The following NFAM1 variants were observed in gnomAD, a reference collection of about 807,000 sequenced individuals.
NFAM1 encodes the protein NFAT activation molecule 1.
A neutral mutation model predicts 29.0 loss-of-function variants in NFAM1; 17 were observed. The observed-to-expected ratio is 0.59, with a 90% CI of 0.40 to 0.88. NFAM1 has a LOEUF of 0.88. Ranked by LOEUF, NFAM1 falls within the 40% of genes least tolerant of loss-of-function variation. The pLI is 0.00. For synonymous variants in NFAM1, 175 were observed against 147.2 expected, an observed-to-expected ratio of 1.19 and a Z score of -1.36; for missense variants, 324 against 344.6, an observed-to-expected ratio of 0.94 and a Z score of 0.47.
rs949472299 is a variant in NFAM1, at chr22:42,431,831, G to C, written c.121+406C>G. On this transcript the variant is annotated intron_variant, in intron 1 of 5. Coordinates refer to ENST00000329021, the MANE Select transcript of NFAM1 (RefSeq NM_145912.8). ...GGCCAATGCCAGCAACAACCCAGAG[G>C]GTAGCCCCACCACTTGCCAGGTTCA... 2.0e-5 allele frequency among the ~76,000 whole-genome samples: 3 copies of C among 149,300 alleles called. No individual in the cohort carries two copies. In the East Asian group the frequency reaches 5.9e-4, roughly 29 times the overall value.
intron 3 of NFAM1, among the ~76,000 whole-genome samples, chr22:42,407,435 C>T (rs2147105194): frequency 6.6e-6 from 1 of 152,260 alleles, no homozygotes; most frequent in East Asian, 1.9e-4. Flanking sequence ...CTGGTGTGAT[C>T]TCAGCTCACT....
chr22:42,415,566 T>C (rs564269984), intron 1 of NFAM1, among the ~76,000 whole-genome samples: 192 of 152,266 alleles, frequency 1.3e-3, no homozygotes, highest in African/African-American at 4.5e-3. Context: ...CCCAAAGTGC[T>C]GGGATTACAG....
At chr22:42,407,408 G>T (rs1446393501) in intron 3 of NFAM1, among the ~76,000 whole-genome samples, 5 of 151,530 alleles carry the variant, frequency 3.3e-5, no homozygotes, top group South Asian at 2.1e-4. Context: ...TGAGACTGTC[G>T]CCCAGGCTGG....
intron 1 of NFAM1, among the ~76,000 whole-genome samples, chr22:42,430,402 A>C (rs578220031): frequency 6.6e-6 from 1 of 152,168 alleles, no homozygotes; most frequent in East Asian, 1.9e-4. Flanking sequence ...TCTACTAAAA[A>C]TACAAAAATT....
At chr22:42,391,466 C>T (rs1283778521) in intron 4 of NFAM1, among the ~76,000 whole-genome samples, 3 of 152,112 alleles carry the variant, frequency 2.0e-5, no homozygotes, top group Non-Finnish European at 4.4e-5. Flanking sequence ...CCAGTGTTAG[C>T]GCTGGGGCAG....
intron 1 of NFAM1, among the ~76,000 whole-genome samples, chr22:42,412,608 AAAG>A (rs1442655591): frequency 2.6e-5 from 4 of 152,202 alleles, no homozygotes; most frequent in Non-Finnish European, 5.9e-5. Context: ...GATGAGAAAT[AAAG>A]AAGGAGGCAG....
In NFAM1 at chr22:42,424,181, C is replaced by T. The variant is rs572960370; in HGVS notation, c.121+8056G>A. On this transcript the variant is annotated intron_variant, in intron 1 of 5. Coordinates refer to ENST00000329021, the MANE Select transcript of NFAM1 (RefSeq NM_145912.8). ...CTGTAATCCCAGCACTTTGGGAGGC[C>T]AAGGCGGGCGGATCACAACGTCAGG... Among the ~76,000 whole-genome samples, 48 of 152,114 alleles carry T rather than the reference C, an allele frequency of 3.2e-4. 1 individual carries two copies. Among genetic ancestry groups the T allele is most frequent in the African/African-American group, 1.1e-3 (45 of 41,506 alleles).
At position 42,399,168 on chromosome 22, in the gene NFAM1, C is replaced by T. The variant is rs898004755; in HGVS notation, c.565-1212G>A. On this transcript the variant is annotated intron_variant, in intron 3 of 5. Coordinates refer to ENST00000329021, the MANE Select transcript of NFAM1 (RefSeq NM_145912.8). ...GGAGAAGGTCAGCATAGGCCAGGCA[C>T]GGTGGCTCATGCCTGTAATCCCAGC... 3.9e-5 allele frequency among the ~76,000 whole-genome samples: 6 copies of T among 152,046 alleles called. No individual in the cohort carries two copies. In the South Asian group the frequency reaches 1.2e-3, roughly 32 times the overall value.
chr22:42,415,939 C>A (rs531540371), intron 1 of NFAM1, among the ~76,000 whole-genome samples: 1 of 152,288 alleles, frequency 6.6e-6, no homozygotes, highest in Non-Finnish European at 1.5e-5. Context: ...AGGGAAGGAG[C>A]AGAAAGAGCC....
In NFAM1 at chr22:42,409,543, T is replaced by C. The variant is rs764455568; in HGVS notation, c.456A>G (p.Ala152=). 3 of 1,508,044 alleles carry C rather than the reference T, an allele frequency of 2.0e-6. No individual in the cohort carries two copies. The highest frequency in any genetic ancestry group is 2.5e-5 in the East Asian group (1 of 39,998). 93.4% of individuals were successfully genotyped at this position (1,508,044 alleles called of 1,614,324 possible). A position where few individuals can be genotyped will look rare whatever the true frequency, so the allele number is the denominator to read the frequency against. Residue 152 remains alanine, a synonymous_variant, in exon 3 of 6, where the codon GCA becomes GCG. Coordinates refer to ENST00000329021, the MANE Select transcript of NFAM1 (RefSeq NM_145912.8). This position sits in a 1 kb window ranked among gnomAD's most constrained non-coding sequence, Gnocchi z 4.9. ...GSGTFILVRD[A]GYREPPQSPQ... The stretch of plus-strand genomic sequence containing the variant: ...GACTCTGCGGGGGCTCTCGGTACCC[T>C]GCGTCTAGGAGGAAGCGCAGGGGAG...
At chr22:42,424,417 AAAAGAAAC>A (rs1226129914) in intron 1 of NFAM1, among the ~76,000 whole-genome samples, 1 of 151,220 alleles carries the variant, frequency 6.6e-6, no homozygotes, top group African/African-American at 2.5e-5. Flanking sequence ...TCCGTCTCAA[AAAAGAAAC>A]AAAAAAAGAA....
At position 42,401,535 on chromosome 22, in the gene NFAM1, C is replaced by T. The variant is rs117987718; in HGVS notation, c.565-3579G>A. Among the ~76,000 whole-genome samples the T allele has an allele frequency of 2.6e-3, 398 of 151,808 alleles. 17 individuals are homozygous for T. The East Asian group carries it at 0.071, about 27-fold the overall frequency. ...CCTGGGGGTGCTGGGGAGGCTGGGC[C>T]GGGGCAAGGGGTCCCGTGGAGGAGG... is the stretch of plus-strand genomic sequence containing the variant. On this transcript the variant is annotated intron_variant, in intron 3 of 5. Coordinates refer to ENST00000329021, the MANE Select transcript of NFAM1 (RefSeq NM_145912.8).
chr22:42,417,491 A>C (rs1042179211), intron 1 of NFAM1, among the ~76,000 whole-genome samples: 1 of 150,156 alleles, frequency 6.7e-6, no homozygotes, highest in African/African-American at 2.5e-5. Flanking sequence ...TTTTCTGTGC[A>C]GGGAACGGAT....
intron 1 of NFAM1, among the ~76,000 whole-genome samples, chr22:42,430,967 G>A (rs1192956513): frequency 6.6e-6 from 1 of 152,234 alleles, no homozygotes; most frequent in East Asian, 1.9e-4. Context: ...GGCGAGGCGT[G>A]CACAGGATTA....
rs1286017338 is a variant in NFAM1 at position 42,412,547 on chromosome 22, A to G, written c.122-811T>C. Among the ~76,000 whole-genome samples, 3 of 152,224 alleles carry G rather than the reference A, an allele frequency of 2.0e-5. No homozygotes were observed. The East Asian group carries it at 5.8e-4, about 29-fold the overall frequency. ...ACCCCTCTTCTTCCCAAAGGCCAAG[A>G]GGCCACCTGGGATCAAAGCACAGGC... is the stretch of plus-strand genomic sequence containing the variant. On this transcript the variant is annotated intron_variant, in intron 1 of 5. Coordinates refer to ENST00000329021, the MANE Select transcript of NFAM1 (RefSeq NM_145912.8).
chr22:42,392,509 G>T (rs1601736098), intron 4 of NFAM1, among the ~76,000 whole-genome samples: 1 of 152,172 alleles, frequency 6.6e-6, no homozygotes, highest in Non-Finnish European at 1.5e-5. Flanking sequence ...CTCTGTCAAC[G>T]CTGGAGGAAC....
intron 3 of NFAM1, among the ~76,000 whole-genome samples, chr22:42,398,437 G>C (rs1484199778): frequency 1.4e-5 from 2 of 144,636 alleles, no homozygotes; most frequent in South Asian, 4.5e-4. Context: ...ATTTGAGATG[G>C]AGTCTCACTC....
chr22:42,388,905 A>C lies in NFAM1; in HGVS notation c.664-1827T>G, dbSNP rs1298245681. On this transcript the variant is annotated intron_variant, in intron 4 of 5. Transcript: ENST00000329021. The surrounding 1 kb of genome is among the most constrained non-coding windows in gnomAD (Gnocchi z 4.1). ...GAAGCCTCATTTGGAATGGAGGGAA[A>C]CTTCCAAGTCCTGCCCTGCCTTGTG... Among the ~76,000 whole-genome samples the C allele has an allele frequency of 6.6e-6, 1 of 152,024 alleles. No homozygotes were observed. The highest frequency in any genetic ancestry group is 1.5e-5 in the Non-Finnish European group (1 of 67,984).
At chr22:42,435,616 C>T (rs1224489610), upstream of NFAM1, among the ~76,000 whole-genome samples, 1 of 151,724 alleles carries the variant, frequency 6.6e-6, no homozygotes, top group Non-Finnish European at 1.5e-5. Flanking sequence ...CAAAGTGCTG[C>T]GATTATAGGT....
Sources: allele counts gnomAD v4.1 joint callset (sites outside exome capture counted in the v4.1 genomes callset), GRCh38; gene constraint gnomAD v4.1.1; non-coding constraint Gnocchi (gnomAD v3.1); transcripts MANE v1.5; gene names NCBI Gene and HGNC (gene_info 2026-07-23, HGNC 2026-07-21).